The following TTC39B variants were observed in gnomAD, a reference collection of about 807,000 sequenced individuals.
The protein encoded by TTC39B is tetratricopeptide repeat domain 39B.
Under a neutral mutation model 96.6 loss-of-function variants are expected in TTC39B, and 92 were observed. The observed-to-expected ratio is 0.95, with a 90% CI of 0.80 to 1.13. The LOEUF is 1.13. Ranked by LOEUF, TTC39B falls within the 50% of genes most tolerant of loss-of-function variation. TTC39B has a pLI of 0.00. For synonymous variants in TTC39B, 367 were observed against 299.4 expected (o/e 1.23, Z -2.33); for missense variants, 955 against 809.3 (o/e 1.18, Z -2.18).
At chr9:15,200,621 G>A (rs922913245) in intron 7 of TTC39B, among the ~76,000 whole-genome samples, 8 of 152,216 alleles carry the variant, frequency 5.3e-5, no homozygotes, top group African/African-American at 1.9e-4. Flanking sequence ...CCACTTGAAG[G>A]AAGTTACTCT....
At chr9:15,192,506 T>C in intron 9 of TTC39B, 84 bp downstream of exon 9, 1 of 1,037,706 alleles carries the variant, frequency 9.6e-7, no homozygotes. Context: ...AGGTTCAGGA[T>C]GAGGTTCAAA....
intron 18 of TTC39B, 83 bp from the exon 19 acceptor site, chr9:15,175,218 C>G (rs1280227175): frequency 3.1e-6 from 3 of 982,686 alleles, no homozygotes; most frequent in Non-Finnish European, 4.6e-6. Flanking sequence ...TCCCATTCTT[C>G]AGAAAACATG....
intron 8 of TTC39B, among the ~76,000 whole-genome samples, chr9:15,198,480 A>ATATATG (rs1819320462): frequency 1.3e-5 from 2 of 148,560 alleles, no homozygotes; most frequent in Non-Finnish European, 3.0e-5. Context: ...ATATATATAT[A>ATATATG]TATATATCAT....
At chr9:15,258,699 G>A (rs1281857669) in intron 2 of TTC39B, among the ~76,000 whole-genome samples, 1 of 152,164 alleles carries the variant, frequency 6.6e-6, no homozygotes, top group Non-Finnish European at 1.5e-5. Flanking sequence ...GGCAACCACA[G>A]TCACAAAGAT....
chr9:15,202,070 T>C (rs1476575984), intron 7 of TTC39B, among the ~76,000 whole-genome samples: 1 of 152,138 alleles, frequency 6.6e-6, no homozygotes, highest in Non-Finnish European at 1.5e-5. Flanking sequence ...TGCACAATCT[T>C]TAAAAGGCTA....
At chr9:15,165,286 G>A (rs1180351246) in exon 20 of TTC39B, 1 of 152,116 alleles carries the variant, frequency 6.6e-6, no homozygotes, top group Non-Finnish European at 1.5e-5. Context: ...GGCAGAGGTT[G>A]TGGTAAGCCA....
In TTC39B at chr9:15,284,410, G is replaced by A. The variant is rs192313019; in HGVS notation, c.241-16462C>T. Among the ~76,000 whole-genome samples, 352 of 152,170 alleles carry A rather than the reference G, an allele frequency of 2.3e-3. 1 individual carries two copies. Among genetic ancestry groups the A allele is most frequent in the African/African-American group, 7.9e-3 (328 of 41,522 alleles). Reference sequence around the variant, plus strand: ...CATTATTAAAATTTTCATGTACCACGGTTTCATGTACCAAGATTATGATAC... The same window carrying A: ...CATTATTAAAATTTTCATGTACCACAGTTTCATGTACCAAGATTATGATAC... On this transcript the variant is annotated intron_variant, in intron 1 of 19. Transcript: ENST00000512701.
chr9:15,288,393 G>C lies in TTC39B; in HGVS notation c.240+18691C>G, dbSNP rs370439440. Among the ~76,000 whole-genome samples the C allele has an allele frequency of 5.3e-5, 8 of 152,290 alleles. No individual in the cohort carries two copies. The East Asian group carries it at 7.7e-4, about 15-fold the overall frequency. ...CGGCTCCACAAGGAAATGAACAGAA[G>C]AGCAGAAGAATGGCAGAATGGCACA... On this transcript the variant is annotated intron_variant, in intron 1 of 19. Coordinates refer to ENST00000512701, the Ensembl canonical transcript of TTC39B.
At chr9:15,187,018 C>G in exon 15 of TTC39B, 1 of 1,612,718 alleles carries the variant, frequency 6.2e-7, no homozygotes, top group Non-Finnish European at 8.5e-7. Context: ...TTGCTGCTTT[C>G]AAGAACACAT....
chr9:15,301,514 GAA>G (rs1824588160), intron 1 of TTC39B, among the ~76,000 whole-genome samples: 1 of 152,168 alleles, frequency 6.6e-6, no homozygotes, highest in South Asian at 2.1e-4. Context: ...CAGCACTTTG[GAA>G]AGCCCAGGTG....
intron 16 of TTC39B, 130 bp from the exon 17 acceptor site, chr9:15,182,545 T>G (rs1331436461): frequency 1.3e-5 from 7 of 554,884 alleles, no homozygotes; most frequent in Non-Finnish European, 2.1e-5. Context: ...CAGATCATTT[T>G]CCTTTGCTTT....
chr9:15,300,403 A>C (rs373393811), intron 1 of TTC39B, among the ~76,000 whole-genome samples: 2 of 152,218 alleles, frequency 1.3e-5, no homozygotes, highest in East Asian at 3.9e-4. Context: ...CGTTCTGAGA[A>C]ATCCTTTAAC....
At chr9:15,289,638 C>T (rs1824108812) in intron 1 of TTC39B, among the ~76,000 whole-genome samples, 1 of 152,182 alleles carries the variant, frequency 6.6e-6, no homozygotes, top group South Asian at 2.1e-4. Flanking sequence ...ACAGATACCA[C>T]AAATCTGAAA....
chr9:15,239,653 G>T (rs1821950110), intron 2 of TTC39B, among the ~76,000 whole-genome samples: 1 of 152,182 alleles, frequency 6.6e-6, no homozygotes, highest in Non-Finnish European at 1.5e-5. Context: ...GATGAAATAA[G>T]TCAGAAGCAG....
intron 2 of TTC39B, among the ~76,000 whole-genome samples, chr9:15,238,472 A>T (rs1821889334): frequency 6.6e-6 from 1 of 152,240 alleles, no homozygotes; most frequent in Admixed American, 6.5e-5. Context: ...AAAAATCAGT[A>T]GCATTTCTAT....
At chr9:15,288,384 T>G (rs1271851296) in intron 1 of TTC39B, among the ~76,000 whole-genome samples, 1 of 151,980 alleles carries the variant, frequency 6.6e-6, no homozygotes, top group Non-Finnish European at 1.5e-5. Context: ...CACAAGGAAA[T>G]GAACAGAAGA....
chr9:15,220,209 G>C (rs1222901576), intron 3 of TTC39B, among the ~76,000 whole-genome samples: 3 of 152,116 alleles, frequency 2.0e-5, no homozygotes, highest in Non-Finnish European at 4.4e-5. Flanking sequence ...CTGCACCTGT[G>C]GACTCCAGAC....
rs1447896514 is a variant in TTC39B at position 15,215,915 on chromosome 9, T to TA, written c.372-1667dup. On this transcript the variant is annotated intron_variant, in intron 3 of 19. Transcript: ENST00000512701. ...ATGAAATAAAAATAAATAAACTTGG[T>TA]AAGTATTTGAAGTTGAGCTTCCATC... Among the ~76,000 whole-genome samples the TA allele has an allele frequency of 3.9e-5, 6 of 152,184 alleles. No homozygotes were observed. The East Asian group carries it at 1.2e-3, about 29-fold the overall frequency.
At chr9:15,167,925 G>A (rs1817558232) in exon 20 of TTC39B, 1 of 152,110 alleles carries the variant, frequency 6.6e-6, no homozygotes, top group South Asian at 2.1e-4. Flanking sequence ...CGGAGGGAGG[G>A]CAGAATAATG....
Sources: gnomAD v4.1 joint callset for allele counts (sites outside exome capture counted in the v4.1 genomes callset) on GRCh38, gnomAD v4.1.1 for gene constraint, MANE v1.5 for transcripts, NCBI Gene and HGNC (gene_info 2026-07-23, HGNC 2026-07-21) for gene names.